PTPRK: variants seen among roughly 807,000 people sequenced by gnomAD.
PTPRK encodes the protein protein tyrosine phosphatase receptor type K.
Under a neutral mutation model 178.0 loss-of-function variants are expected in PTPRK, and 75 were observed. The observed-to-expected ratio is 0.42, with a 90% CI of 0.35 to 0.51. The LOEUF (loss-of-function observed/expected upper bound fraction) is 0.51. Among genes scored for constraint, PTPRK ranks in the 20% least tolerant of loss-of-function variants. PTPRK has a pLI of 0.02. For missense variants in PTPRK, 1,441 were observed against 1,797.8 expected (o/e 0.80, Z 3.59); for synonymous variants, 637 against 620.6 (o/e 1.03, Z -0.39).
rs145384453 is a variant in PTPRK at position 128,383,472 on chromosome 6, T to A, written c.223+14094A>T. ...AAAAGGCCATTTTGCAATAGTATAG[T>A]GCATTAACAACAGTTAAATTCAAAT... On this transcript the variant is annotated intron_variant, in intron 2 of 29. Transcript: ENST00000368226. Among the ~76,000 whole-genome samples the A allele has an allele frequency of 3.6e-4, 55 of 152,324 alleles. 1 individual carries two copies. The East Asian group carries it at 8.3e-3, about 23-fold the overall frequency.
intron 1 of PTPRK, among the ~76,000 whole-genome samples, chr6:128,508,487 A>C (rs1856691112): frequency 6.6e-6 from 1 of 152,236 alleles, no homozygotes; most frequent in South Asian, 2.1e-4. Context: ...GATATATATA[A>C]GTACTTAAAA....
At chr6:128,480,294 G>A (rs1327889774) in intron 1 of PTPRK, among the ~76,000 whole-genome samples, 1 of 152,028 alleles carries the variant, frequency 6.6e-6, no homozygotes, top group Non-Finnish European at 1.5e-5. Flanking sequence ...AACTAAAATT[G>A]GATAGGTGAA....
chr6:128,113,213 A>G (rs1790956344), intron 7 of PTPRK, among the ~76,000 whole-genome samples: 1 of 152,064 alleles, frequency 6.6e-6, no homozygotes, highest in African/African-American at 2.4e-5. Flanking sequence ...CACAAAATGT[A>G]TCTATGGTAT....
chr6:127,970,424 G>A, intron 29 of PTPRK, 144 bp from the exon 30 acceptor site: 2 of 508,736 alleles, frequency 3.9e-6, no homozygotes, highest in Non-Finnish European at 6.6e-6. Flanking sequence ...TTAATATCTA[G>A]GCATACATAT....
At chr6:128,149,790 T>A (rs922012941) in intron 7 of PTPRK, among the ~76,000 whole-genome samples, 8 of 152,186 alleles carry the variant, frequency 5.3e-5, no homozygotes, top group African/African-American at 1.4e-4. Flanking sequence ...CACTCCTCTC[T>A]TCCTCCTTGT....
chr6:128,139,172 C>G (rs1241930814), intron 7 of PTPRK, among the ~76,000 whole-genome samples: 1 of 151,912 alleles, frequency 6.6e-6, no homozygotes, highest in East Asian at 1.9e-4. Context: ...GGACAGAGAA[C>G]AACAACATTA....
intron 1 of PTPRK, among the ~76,000 whole-genome samples, chr6:128,447,285 T>G (rs2128403649): frequency 6.6e-6 from 1 of 152,342 alleles, no homozygotes; most frequent in South Asian, 2.1e-4. Context: ...AGGATTAAAT[T>G]ATATGCAGTT....
At chr6:128,513,517 T>TAAAG (rs964797254) in intron 1 of PTPRK, among the ~76,000 whole-genome samples, 2 of 147,278 alleles carry the variant, frequency 1.4e-5, no homozygotes, top group African/African-American at 5.0e-5. Flanking sequence ...AAGAAAGAAA[T>TAAAG]AAAGAAAAAG....
chr6:128,389,413 G>GTTTTTTTT (rs11443907), intron 2 of PTPRK, among the ~76,000 whole-genome samples: 1 of 144,440 alleles, frequency 6.9e-6, no homozygotes, highest in Non-Finnish European at 1.5e-5. Flanking sequence ...GTTTTTTTTT[G>GTTTTTTTT]TTTTTTTTGT....
intron 1 of PTPRK, among the ~76,000 whole-genome samples, chr6:128,451,392 A>C (rs924194137): frequency 6.6e-6 from 1 of 152,196 alleles, no homozygotes; most frequent in Non-Finnish European, 1.5e-5. Context: ...AAGAAATTAT[A>C]ATCTGTAGAC....
chr6:127,982,601 C>T (rs1271166386), intron 24 of PTPRK, among the ~76,000 whole-genome samples: 2 of 152,076 alleles, frequency 1.3e-5, no homozygotes. Flanking sequence ...GATACCTTTC[C>T]CCTTTGCTCT....
At chr6:128,495,240 G>C (rs995107165) in intron 1 of PTPRK, among the ~76,000 whole-genome samples, 1 of 151,968 alleles carries the variant, frequency 6.6e-6, no homozygotes, top group Non-Finnish European at 1.5e-5. Flanking sequence ...AGGTGCCTGG[G>C]GTAAGGACCC....
chr6:128,261,637 C>T (rs1260667026), intron 3 of PTPRK, among the ~76,000 whole-genome samples: 1 of 152,114 alleles, frequency 6.6e-6, no homozygotes, highest in Non-Finnish European at 1.5e-5. Flanking sequence ...ACATAGTAGC[C>T]ACTAACCAGC....
At chr6:128,239,594 T>C (rs1232847464) in intron 5 of PTPRK, among the ~76,000 whole-genome samples, 6 of 152,206 alleles carry the variant, frequency 3.9e-5, no homozygotes, top group Non-Finnish European at 8.8e-5. Context: ...TTTAATTGGC[T>C]CTCTTCCAAT....
chr6:128,099,541 T>G (rs994205776), intron 7 of PTPRK, among the ~76,000 whole-genome samples: 2 of 152,148 alleles, frequency 1.3e-5, no homozygotes, highest in East Asian at 3.8e-4. Context: ...TCTAGAAACT[T>G]ATTAGAGAGA....
Position 128,254,187 on chromosome 6 carries a change from A to C in PTPRK, c.496-11585T>G, listed in dbSNP as rs539364293. Among the ~76,000 whole-genome samples the C allele has an allele frequency of 2.1e-3, 326 of 152,314 alleles. 1 individual carries two copies. The highest frequency in any genetic ancestry group is 7.4e-3 in the African/African-American group (309 of 41,570). On this transcript the variant is annotated intron_variant, in intron 3 of 29. Coordinates refer to ENST00000368226, the MANE Select transcript of PTPRK (RefSeq NM_002844.4). ...AAGAGTAACTAGTTTGTGTACTCTT[A>C]GTTGAATTTAGGGATAGAACGCCTG... is the stretch of plus-strand genomic sequence containing the variant.
At chr6:128,338,507 A>G (rs1392551997) in intron 2 of PTPRK, among the ~76,000 whole-genome samples, 1 of 152,212 alleles carries the variant, frequency 6.6e-6, no homozygotes, top group Non-Finnish European at 1.5e-5. Flanking sequence ...CCACTGTATC[A>G]CTTTCAGCAA....
At chr6:128,499,968 C>G (rs1855299565) in intron 1 of PTPRK, among the ~76,000 whole-genome samples, 1 of 152,136 alleles carries the variant, frequency 6.6e-6, no homozygotes, top group Non-Finnish European at 1.5e-5. Flanking sequence ...ATGCTAGGAC[C>G]AGTAAACACT....
At chr6:128,417,641 C>G (rs1309532916) in intron 1 of PTPRK, among the ~76,000 whole-genome samples, 1 of 152,106 alleles carries the variant, frequency 6.6e-6, no homozygotes. Context: ...TAATAATTAG[C>G]CAATAAAGGT....
Sources: gnomAD v4.1 joint callset for allele counts (sites outside exome capture counted in the v4.1 genomes callset) on GRCh38, gnomAD v4.1.1 for gene constraint, MANE v1.5 for transcripts, NCBI Gene and HGNC (gene_info 2026-07-23, HGNC 2026-07-21) for gene names.